TIAM1: variants seen among roughly 807,000 people sequenced by gnomAD.
TIAM1 encodes rho guanine nucleotide exchange factor TIAM1.
A neutral mutation model predicts 163.5 loss-of-function variants in TIAM1; 65 were observed. That is an observed-to-expected ratio of 0.40 (90% confidence interval 0.33 to 0.49). The LOEUF is 0.49. Among genes scored for constraint, TIAM1 ranks in the 20% least tolerant of loss-of-function variants. TIAM1 has a pLI of 0.77. For missense variants in TIAM1, 1,789 were observed against 2,044.7 expected (o/e 0.87, Z 2.41); for synonymous variants, 833 against 810.1 (o/e 1.03, Z -0.48).
In TIAM1 at chr21:31,177,789, G is replaced by T. The variant is rs139508543; in HGVS notation, c.2887+4632C>A. ...CCCATACTCACTCAGGGTCCTTAAG[G>T]GAGGACCTGGCCAAGTCTGACCACT... On this transcript the variant is annotated intron_variant, in intron 15 of 27. Transcript: ENST00000541036. 4.0e-3 allele frequency among the ~76,000 whole-genome samples: 608 copies of T among 152,278 alleles called. 11 individuals are homozygous for T. The highest frequency in any genetic ancestry group is 0.028 in the South Asian group (134 of 4,824).
chr21:31,273,330 A>T (rs1333403251), intron 3 of TIAM1, among the ~76,000 whole-genome samples: 1 of 152,182 alleles, frequency 6.6e-6, no homozygotes, highest in Non-Finnish European at 1.5e-5. Context: ...GAACTGGAAA[A>T]GAACATCCCA....
At chr21:31,522,509 CCAAAAAAAAAAA>C (rs2047635965) in intron 1 of TIAM1, among the ~76,000 whole-genome samples, 1 of 150,338 alleles carries the variant, frequency 6.7e-6, no homozygotes, top group Non-Finnish European at 1.5e-5. Flanking sequence ...AAACTCCATC[CCAAAAAAAAAAA>C]CAAAAACAAA....
intron 2 of TIAM1, among the ~76,000 whole-genome samples, chr21:31,384,268 A>G (rs2076828381): frequency 6.6e-6 from 1 of 152,098 alleles, no homozygotes; most frequent in Non-Finnish European, 1.5e-5. Flanking sequence ...ATCAAATGAA[A>G]AAAAAAATGT....
At chr21:31,293,394 G>A (rs2074107912) in intron 2 of TIAM1, among the ~76,000 whole-genome samples, 1 of 152,170 alleles carries the variant, frequency 6.6e-6, no homozygotes, top group South Asian at 2.1e-4. Context: ...ATAACTGACA[G>A]CAACATCTAG....
chr21:31,520,123 G>A (rs920341082), intron 1 of TIAM1, among the ~76,000 whole-genome samples: 10 of 152,172 alleles, frequency 6.6e-5, no homozygotes, highest in African/African-American at 2.4e-4. Flanking sequence ...CTGAGGTCGG[G>A]AGTTCGAGAC....
intron 20 of TIAM1, among the ~76,000 whole-genome samples, chr21:31,144,189 G>A (rs559176027): frequency 6.6e-6 from 1 of 152,332 alleles, no homozygotes; most frequent in Non-Finnish European, 1.5e-5. Flanking sequence ...AAAGGACACT[G>A]GGAAGAGTGG....
chr21:31,256,861 A>G (rs1353731965), intron 4 of TIAM1, among the ~76,000 whole-genome samples: 23 of 152,190 alleles, frequency 1.5e-4, no homozygotes, highest in Admixed American at 1.5e-3. Flanking sequence ...AGCCCAGCAC[A>G]TAGTACCTGC....
intron 15 of TIAM1, among the ~76,000 whole-genome samples, chr21:31,175,533 T>C (rs2084718445): frequency 6.6e-6 from 1 of 152,232 alleles, no homozygotes; most frequent in Non-Finnish European, 1.5e-5. Context: ...GCTTTCTTCT[T>C]GATGTAAAAA....
At chr21:31,412,535 A>C (rs975627438) in intron 2 of TIAM1, among the ~76,000 whole-genome samples, 5 of 151,942 alleles carry the variant, frequency 3.3e-5, no homozygotes, top group African/African-American at 1.2e-4. Context: ...TAATCCCAGC[A>C]CTTTGGGAGG....
chr21:31,136,038 C>T lies in TIAM1; in HGVS notation c.3778G>A (p.Ala1260Thr). The stretch of plus-strand genomic sequence containing the variant: ...AGCAGGTCTCCCATGCTCAGATCTG[C>T]AACCTGAAAGCCAGAGACGTGACAA... ...AEQTGEKKEV[A>T]DLSMGDLLLH... The change falls in exon 23 of 28, where the codon GCA (alanine) becomes ACA (threonine). Residue 1260 changes from alanine to threonine, a missense_variant. Physicochemically the swap from Ala to Thr is moderately conservative, Grantham distance 58. This residue lies in a region of TIAM1 where 415 missense variants were observed against 439.2 expected (regional missense o/e 0.94). Coordinates refer to ENST00000541036, the MANE Select transcript of TIAM1 (RefSeq NM_001353694.2). 6.2e-7 allele frequency: 1 copy of T among 1,612,704 alleles called. No homozygotes were observed. The highest frequency in any genetic ancestry group is 8.5e-7 in the Non-Finnish European group (1 of 1,178,984).
intron 2 of TIAM1, among the ~76,000 whole-genome samples, chr21:31,413,199 C>T (rs1003618004): frequency 3.3e-5 from 5 of 152,032 alleles, no homozygotes; most frequent in Admixed American, 6.5e-5. Flanking sequence ...TTTGTATCTC[C>T]CTTACTCCTG....
intron 2 of TIAM1, among the ~76,000 whole-genome samples, chr21:31,423,816 G>C (rs2043678707): frequency 7.6e-6 from 1 of 131,126 alleles, no homozygotes; most frequent in Non-Finnish European, 1.6e-5. Context: ...GTCCGGAATA[G>C]GCAAGGCCAC....
At chr21:31,198,315 T>C (rs1020666606) in intron 12 of TIAM1, among the ~76,000 whole-genome samples, 2 of 152,172 alleles carry the variant, frequency 1.3e-5, no homozygotes, top group African/African-American at 4.8e-5. Context: ...TTTGCTATAA[T>C]AGAATGCCAA....
intron 2 of TIAM1, among the ~76,000 whole-genome samples, chr21:31,438,735 T>C (rs1025689783): frequency 5.9e-5 from 9 of 152,214 alleles, no homozygotes; most frequent in African/African-American, 1.4e-4. Context: ...CTCAGTGCTA[T>C]TGGCATTTTG....
chr21:31,404,243 G>A (rs1330787894), intron 2 of TIAM1, among the ~76,000 whole-genome samples: 4 of 152,110 alleles, frequency 2.6e-5, no homozygotes, highest in African/African-American at 9.7e-5. Flanking sequence ...ACAAAAAAGT[G>A]AAGATAATAA....
At chr21:31,524,793 C>G (rs1217057105) in intron 1 of TIAM1, among the ~76,000 whole-genome samples, 1 of 152,096 alleles carries the variant, frequency 6.6e-6, no homozygotes, top group East Asian at 1.9e-4. Flanking sequence ...TGCCTTGTAC[C>G]ATTCCAAACT....
intron 1 of TIAM1, among the ~76,000 whole-genome samples, chr21:31,512,617 C>CTTTTTTTTTTTTTT (rs35338359): frequency 5.7e-5 from 7 of 121,760 alleles, no homozygotes; most frequent in African/African-American, 1.3e-4. Flanking sequence ...TTTTTCTTTT[C>CTTTTTTTTTTTTTT]TTTTTTTTTT....
chr21:31,206,950 C>T (rs987467083), intron 11 of TIAM1, among the ~76,000 whole-genome samples: 4 of 152,136 alleles, frequency 2.6e-5, no homozygotes, highest in African/African-American at 9.7e-5. Flanking sequence ...CACACACACA[C>T]ACAAAGTGCT....
intron 2 of TIAM1, among the ~76,000 whole-genome samples, chr21:31,278,456 T>C (rs1182105314): frequency 6.6e-6 from 1 of 152,170 alleles, no homozygotes. Flanking sequence ...AAGGGCCTCT[T>C]TGGGTGGCTT....
Sources: gnomAD v4.1 joint callset for allele counts (sites outside exome capture counted in the v4.1 genomes callset) on GRCh38, gnomAD v4.1.1 for gene constraint, gnomAD v4.1.1 regional missense constraint, MANE v1.5 for transcripts, NCBI Gene and HGNC (gene_info 2026-07-23, HGNC 2026-07-21) for gene names.